The following EMP2 variants were observed in gnomAD, a reference collection of about 807,000 sequenced individuals.
EMP2 encodes the protein epithelial membrane protein 2.
A neutral mutation model predicts 13.7 loss-of-function variants in EMP2; 19 were observed. The ratio of observed to expected loss-of-function variants is 1.38; its 90% CI spans 0.97 to 2.03. The LOEUF is 2.03. EMP2 is among the 30% of genes most tolerant of loss of function. The probability of loss-of-function intolerance (pLI) is 0.00; values close to 1 mark genes in which losing one functional copy is unlikely to be tolerated. For missense variants in EMP2, 253 were observed against 220.7 expected (o/e 1.15, Z -0.93); for synonymous variants, 97 against 84.7 (o/e 1.15, Z -0.80).
At chr16:10,559,020 G>T (rs974423122) in intron 1 of EMP2, 2 of 152,300 alleles carry the variant, frequency 1.3e-5, no homozygotes, top group East Asian at 3.8e-4. Context: ...CTGGAGGTCC[G>T]AGGCAATCTC....
Position 10,532,692 on chromosome 16 carries a change from T to C in EMP2, c.*213A>G, listed in dbSNP as rs925584217. ...CAGCAGTTCTGAATACCAGCCTTCATAGTCTATTCTCTGATCTCAAGAATG... is the reference window on the plus strand; with the variant it reads ...CAGCAGTTCTGAATACCAGCCTTCACAGTCTATTCTCTGATCTCAAGAATG... On this transcript the variant is annotated 3_prime_UTR_variant, in exon 5 of 5. Transcript: ENST00000359543. 8.5e-6 allele frequency: 3 copies of C among 354,912 alleles called. No individual in the cohort carries two copies. Among genetic ancestry groups the C allele is most frequent in the Admixed American group, 9.9e-5 (2 of 20,190 alleles). The allele number at this position is 354,912 out of a possible 1,614,324, so 22.0% of individuals were successfully genotyped here. A position where few individuals can be genotyped will look rare whatever the true frequency, so the allele number is the denominator to read the frequency against.
intron 1 of EMP2, among the ~76,000 whole-genome samples, chr16:10,562,751 G>A (rs776784773): frequency 6.6e-6 from 1 of 152,216 alleles, no homozygotes; most frequent in Non-Finnish European, 1.5e-5. Flanking sequence ...CAGAAACTAT[G>A]ACTCACTGAC....
rs1311555901 is a variant in EMP2, at chr16:10,531,669, G to A, written c.*1236C>T. On this transcript the variant is annotated 3_prime_UTR_variant, in exon 5 of 5. Transcript: ENST00000359543. ...AGTTTTAATCTGTCTCCTCCACTAG[G>A]CCATGAGCCCTAGGAGGAGATTGTC... 6.6e-6 allele frequency: 1 copy of A among 152,454 alleles called. No individual in the cohort carries two copies. The highest frequency in any genetic ancestry group is 2.4e-5 in the African/African-American group (1 of 41,432). The allele number at this position is 152,454 out of a possible 1,614,324, so 9.4% of individuals were successfully genotyped here. A position where few individuals can be genotyped will look rare whatever the true frequency, so the allele number is the denominator to read the frequency against.
At chr16:10,569,527 T>C (rs1051569931) in intron 1 of EMP2, among the ~76,000 whole-genome samples, 4 of 152,024 alleles carry the variant, frequency 2.6e-5, no homozygotes, top group African/African-American at 7.3e-5. Flanking sequence ...CCTATGTTCC[T>C]TGAACTAGTC....
In EMP2 at chr16:10,532,909, T is replaced by C. The variant is rs2050618236; in HGVS notation, c.500A>G (p.Lys167Arg). 6.5e-7 allele frequency: 1 copy of C among 1,532,846 alleles called. No individual in the cohort carries two copies. The highest frequency in any genetic ancestry group is 8.8e-7 in the Non-Finnish European group (1 of 1,134,564). The allele number at this position is 1,532,846 out of a possible 1,614,324, so 95.0% of individuals were successfully genotyped here. Residue 167 changes from lysine to arginine, a missense_variant, in exon 5 of 5, where the codon AAA (lysine) becomes AGA (arginine). Coordinates refer to ENST00000359543, the MANE Select transcript of EMP2 (RefSeq NM_001424.6). ...AAGCAACCCAGCTCCGGAACTCTAT[T>C]TGCGCTTCCTCAGTATCAGGTACAT... Reference protein sequence around the residue: ...GMMYLILRKRK With the variant: ...GMMYLILRKRR
chr16:10,578,168 C>G (rs1484081302), intron 1 of EMP2: 1 of 152,174 alleles, frequency 6.6e-6, no homozygotes, highest in Non-Finnish European at 1.5e-5. Context: ...TGTGCCCTCA[C>G]TGACCTGGAA....
chr16:10,560,612 C>T lies in EMP2; in HGVS notation c.-60-12935G>A, dbSNP rs77481309. 9.7e-3 allele frequency among the ~76,000 whole-genome samples: 1,471 copies of T among 152,282 alleles called. 13 individuals carry two copies. Among genetic ancestry groups the T allele is most frequent in the South Asian group, 0.031 (147 of 4,806 alleles). On this transcript the variant is annotated intron_variant, in intron 1 of 4. Coordinates refer to ENST00000359543, the MANE Select transcript of EMP2 (RefSeq NM_001424.6). ...CATGCTCTGTGTGCCCTGGGGCTGC[C>T]GGGTCCCTAAAGGGCAAGGGTGTGT...
At chr16:10,542,928 C>T (rs1287678333) in intron 3 of EMP2, among the ~76,000 whole-genome samples, 2 of 152,236 alleles carry the variant, frequency 1.3e-5, no homozygotes, top group East Asian at 1.9e-4. Context: ...TCACCGCAAC[C>T]TCCGCCTCCT....
chr16:10,567,059 C>T (rs896384741), intron 1 of EMP2, among the ~76,000 whole-genome samples: 1 of 152,226 alleles, frequency 6.6e-6, no homozygotes, highest in Non-Finnish European at 1.5e-5. Flanking sequence ...GCCTCCCCAA[C>T]TTTTCTAGTC....
At chr16:10,537,758 G>GCC (rs1187775405) in intron 4 of EMP2, among the ~76,000 whole-genome samples, 170 bp downstream of exon 4, 4 of 129,774 alleles carry the variant, frequency 3.1e-5, no homozygotes, top group African/African-American at 3.9e-5. Context: ...GCATGCATGC[G>GCC]CCCACACACA....
chr16:10,575,845 G>C (rs2050980787), intron 1 of EMP2, among the ~76,000 whole-genome samples: 1 of 151,980 alleles, frequency 6.6e-6, no homozygotes, highest in Non-Finnish European at 1.5e-5. Flanking sequence ...GGACTCCCCT[G>C]GAAGCTAAGT....
chr16:10,570,475 G>A (rs1348200526), intron 1 of EMP2, among the ~76,000 whole-genome samples: 4 of 152,126 alleles, frequency 2.6e-5, no homozygotes, highest in Non-Finnish European at 4.4e-5. Context: ...TCAACTCACC[G>A]TCACGTCTGC....
At chr16:10,579,740 C>CACACACACACACA (rs1214998064) in intron 1 of EMP2, among the ~76,000 whole-genome samples, 11 of 105,524 alleles carry the variant, frequency 1.0e-4, no homozygotes, top group African/African-American at 3.0e-4. Context: ...ACACACACAC[C>CACACACACACACA]CTCAAAGCTT....
chr16:10,558,567 C>T (rs1374834035), intron 1 of EMP2, among the ~76,000 whole-genome samples: 1 of 152,086 alleles, frequency 6.6e-6, no homozygotes, highest in Non-Finnish European at 1.5e-5. Flanking sequence ...CACTGGCCCT[C>T]CCTCTTCCAG....
intron 1 of EMP2, among the ~76,000 whole-genome samples, chr16:10,579,538 G>T (rs1204319556): frequency 1.3e-5 from 2 of 151,900 alleles, no homozygotes; most frequent in Non-Finnish European, 2.9e-5. Flanking sequence ...GTAACTCCCG[G>T]TTCCCAGGTA....
In EMP2 at chr16:10,532,959, G is replaced by GA; in HGVS notation, c.449dup (p.Ala151ArgfsTer49). ...TCATGCCGCTGATGAAGGTGCAGGC[G>GA]AAGGCCACCCACGCCAGGATGTAGG... is the stretch of plus-strand genomic sequence containing the variant. On this transcript the variant is annotated frameshift_variant, in exon 5 of 5. Transcript: ENST00000359543. LOFTEE classifies it high-confidence loss of function. 6.2e-7 allele frequency: 1 copy of GA among 1,608,330 alleles called. No homozygotes were observed.
chr16:10,540,655 G>A (rs1006970445), intron 3 of EMP2, among the ~76,000 whole-genome samples: 1 of 152,126 alleles, frequency 6.6e-6, no homozygotes, highest in African/African-American at 2.4e-5. Flanking sequence ...AAAAGGACCA[G>A]AAACAGGCTT....
At chr16:10,551,191 G>A (rs1567205085) in intron 1 of EMP2, among the ~76,000 whole-genome samples, 1 of 151,922 alleles carries the variant, frequency 6.6e-6, no homozygotes, top group Non-Finnish European at 1.5e-5. Context: ...TATACTTTCT[G>A]TTTCTATGGA....
intron 1 of EMP2, among the ~76,000 whole-genome samples, chr16:10,574,460 C>T (rs567497519): frequency 6.6e-6 from 1 of 152,250 alleles, no homozygotes; most frequent in African/African-American, 2.4e-5. Flanking sequence ...CCTGCTCCAT[C>T]TCCCTCCCTT....
Sources: allele counts gnomAD v4.1 joint callset (sites outside exome capture counted in the v4.1 genomes callset), GRCh38; gene constraint gnomAD v4.1.1; transcripts MANE v1.5; gene names NCBI Gene and HGNC (gene_info 2026-07-23, HGNC 2026-07-21).